IL22RA2: variants seen among roughly 807,000 people sequenced by gnomAD.
IL22RA2 encodes the protein interleukin 22 receptor subunit alpha 2.
Under a neutral mutation model 30.7 loss-of-function variants are expected in IL22RA2, and 39 were observed. The observed-to-expected ratio is 1.27, with a 90% CI of 0.98 to 1.66. The LOEUF (loss-of-function observed/expected upper bound fraction) is 1.66, where lower values mean the gene tolerates loss of function less well. Among genes scored for constraint, IL22RA2 ranks in the 40% most tolerant of loss-of-function variants. IL22RA2 has a pLI of 0.00. For synonymous variants in IL22RA2, 103 were observed against 105.0 expected (o/e 0.98, Z 0.11); for missense variants, 315 against 312.7 (o/e 1.01, Z -0.05).
chr6:137,166,636 A>G (rs1778632219), intron 1 of IL22RA2, among the ~76,000 whole-genome samples: 1 of 152,224 alleles, frequency 6.6e-6, no homozygotes, highest in African/African-American at 2.4e-5. Context: ...TCCTCTAATG[A>G]AAAGGCTTGG....
chr6:137,165,692 G>A (rs993908978), intron 1 of IL22RA2, among the ~76,000 whole-genome samples: 11 of 152,076 alleles, frequency 7.2e-5, no homozygotes, highest in Admixed American at 2.6e-4. Flanking sequence ...CAAATTTTCC[G>A]GTGCCCTTGT....
intron 5 of IL22RA2, among the ~76,000 whole-genome samples, chr6:137,148,749 A>T (rs1030688585): frequency 2.6e-5 from 4 of 152,206 alleles, no homozygotes; most frequent in Non-Finnish European, 5.9e-5. Context: ...TTTTTAAAGC[A>T]CTTTCCAACT....
In IL22RA2 at chr6:137,163,429, G is replaced by C. The variant is rs139686863; in HGVS notation, c.-65-1615C>G. 1.5e-3 allele frequency among the ~76,000 whole-genome samples: 236 copies of C among 152,300 alleles called. 1 individual carries two copies. Among genetic ancestry groups the C allele is most frequent in the African/African-American group, 5.5e-3 (227 of 41,562 alleles). ...TTTCGTCTCCTTTGCCTGTGGGTTA[G>C]AGCCCCAGGACATGGGAAATCTGGG... On this transcript the variant is annotated intron_variant, in intron 1 of 6. Coordinates refer to ENST00000296980, the MANE Select transcript of IL22RA2 (RefSeq NM_052962.3).
At position 137,155,117 on chromosome 6, in the gene IL22RA2, T is replaced by TATC; in HGVS notation, c.294-1_295dup (p.Lys98_Tyr99insTer). The TATC allele has an allele frequency of 6.5e-7, 1 of 1,547,654 alleles. No homozygotes were observed. On this transcript the variant is annotated stop_gained and splice_region_variant, in exon 5 of 7. Transcript: ENST00000296980. LOFTEE classifies it high-confidence loss of function. Reference sequence around the variant, plus strand: ...TTTATTTTTCCATTGTCTCTGTCCATATCTGTAGCAGGGAAAAGGCAAAGA... The same window carrying TATC: ...TTTATTTTTCCATTGTCTCTGTCCATATCATCTGTAGCAGGGAAAAGGCAAAGA...
Position 137,145,586 on chromosome 6 carries a change from T to G in IL22RA2, c.*38A>C. On this transcript the variant is annotated 3_prime_UTR_variant, in exon 7 of 7. Coordinates refer to ENST00000296980, the MANE Select transcript of IL22RA2 (RefSeq NM_052962.3). The stretch of plus-strand genomic sequence containing the variant: ...CGAGTCATCCTGTTCTCAGGGAGCT[T>G]TAGAATTTCCACATTGCTGAATGCC... 1 of 1,577,012 alleles carries G rather than the reference T, an allele frequency of 6.3e-7. No individual in the cohort carries two copies. Among genetic ancestry groups the G allele is most frequent in the South Asian group, 1.2e-5 (1 of 84,478 alleles).
At chr6:137,154,820 G>T in intron 5 of IL22RA2, 121 bp downstream of exon 5, 2 of 772,390 alleles carry the variant, frequency 2.6e-6, no homozygotes, top group South Asian at 1.6e-5. Flanking sequence ...CTGACAATTA[G>T]ACCAAAAGAG....
chr6:137,172,089 G>C (rs1039661802), intron 1 of IL22RA2, among the ~76,000 whole-genome samples: 1 of 152,138 alleles, frequency 6.6e-6, no homozygotes, highest in African/African-American at 2.4e-5. Flanking sequence ...ATTTAAATGG[G>C]GGATGATAAT....
chr6:137,172,209 C>T (rs542887657), intron 1 of IL22RA2, among the ~76,000 whole-genome samples: 7 of 152,238 alleles, frequency 4.6e-5, no homozygotes, highest in East Asian at 3.9e-4. Context: ...TATTTAAATT[C>T]GAGGTTTTAT....
At chr6:137,150,059 C>T (rs1778258330) in intron 5 of IL22RA2, among the ~76,000 whole-genome samples, 1 of 152,204 alleles carries the variant, frequency 6.6e-6, no homozygotes, top group Admixed American at 6.5e-5. Flanking sequence ...CTGCTTTTAA[C>T]TGAAGAAAGT....
chr6:137,159,029 C>A (rs902721735), intron 2 of IL22RA2, among the ~76,000 whole-genome samples: 1 of 152,220 alleles, frequency 6.6e-6, no homozygotes, highest in African/African-American at 2.4e-5. Flanking sequence ...TACCTGCCTG[C>A]ATCCTGGCTC....
chr6:137,152,570 G>A (rs1350780449), intron 5 of IL22RA2, among the ~76,000 whole-genome samples: 1 of 152,204 alleles, frequency 6.6e-6, no homozygotes, highest in African/African-American at 2.4e-5. Flanking sequence ...AGACTGGAAG[G>A]TGATAGCCAA....
chr6:137,147,942 T>A, intron 5 of IL22RA2, 51 bp from the exon 6 acceptor site: 1 of 1,486,460 alleles, frequency 6.7e-7, no homozygotes, highest in Non-Finnish European at 9.3e-7. Context: ...ATGTATTATA[T>A]ACAGACGCAT....
Position 137,144,736 on chromosome 6 carries a change from A to G in IL22RA2, c.*888T>C, listed in dbSNP as rs1463413782. 1 of 152,160 alleles carries G rather than the reference A, an allele frequency of 6.6e-6. No homozygotes were observed. The highest frequency in any genetic ancestry group is 1.9e-4 in the East Asian group (1 of 5,198). 9.4% of individuals were successfully genotyped at this position (152,160 alleles called of 1,614,324 possible). A position where few individuals can be genotyped will look rare whatever the true frequency, so the allele number is the denominator to read the frequency against. ...AAACCATCATTCATGGGATCCTCCTATATAGAGATGAGGAAGGCGCCACAA... is the reference window on the plus strand; with the variant it reads ...AAACCATCATTCATGGGATCCTCCTGTATAGAGATGAGGAAGGCGCCACAA... On this transcript the variant is annotated 3_prime_UTR_variant, in exon 7 of 7. Coordinates refer to ENST00000296980, the MANE Select transcript of IL22RA2 (RefSeq NM_052962.3).
chr6:137,165,015 G>C (rs1778600790), intron 1 of IL22RA2, among the ~76,000 whole-genome samples: 1 of 152,108 alleles, frequency 6.6e-6, no homozygotes, highest in African/African-American at 2.4e-5. Flanking sequence ...AGTTATACAA[G>C]CTGCTCTCCA....
At chr6:137,170,704 A>T (rs918419185) in intron 1 of IL22RA2, among the ~76,000 whole-genome samples, 1 of 152,144 alleles carries the variant, frequency 6.6e-6, no homozygotes, top group Non-Finnish European at 1.5e-5. Context: ...CGGTCTCTTC[A>T]GTCTTTGATC....
In IL22RA2 at chr6:137,150,256, C is replaced by T. The variant is rs527556964; in HGVS notation, c.473-2365G>A. Among the ~76,000 whole-genome samples the T allele has an allele frequency of 1.1e-3, 166 of 152,136 alleles. 2 individuals are homozygous for T. The highest frequency in any genetic ancestry group is 2.9e-3 in the Admixed American group (44 of 15,260). On this transcript the variant is annotated intron_variant, in intron 5 of 6. Transcript: ENST00000296980. ...ACATGCTGTCTTGAGGAACTAGAAA[C>T]GTGCTTTTTTGAAATATGTTCTTCA...
chr6:137,172,507 A>T (rs1261969569), intron 1 of IL22RA2, among the ~76,000 whole-genome samples: 6 of 152,244 alleles, frequency 3.9e-5, no homozygotes, highest in Admixed American at 2.6e-4. Flanking sequence ...ATCAATCTGG[A>T]AGCAGAAGAA....
At chr6:137,164,111 C>T (rs1272788654) in intron 1 of IL22RA2, among the ~76,000 whole-genome samples, 1 of 152,082 alleles carries the variant, frequency 6.6e-6, no homozygotes, top group Non-Finnish European at 1.5e-5. Context: ...GGAGGAAAAG[C>T]GTCAAAGCCT....
chr6:137,172,556 T>G (rs1778762018), intron 1 of IL22RA2, among the ~76,000 whole-genome samples: 1 of 152,244 alleles, frequency 6.6e-6, no homozygotes, highest in Non-Finnish European at 1.5e-5. Context: ...CTGTTTTGTT[T>G]GGGAAGTAAG....
Sources: gnomAD v4.1 joint callset for allele counts (sites outside exome capture counted in the v4.1 genomes callset) on GRCh38, gnomAD v4.1.1 for gene constraint, MANE v1.5 for transcripts, NCBI Gene and HGNC (gene_info 2026-07-23, HGNC 2026-07-21) for gene names.